The following DOCK11 variants were observed in gnomAD, a reference collection of about 807,000 sequenced individuals.
DOCK11 encodes the protein dedicator of cytokinesis 11.
A neutral mutation model predicts 169.1 loss-of-function variants in DOCK11; 70 were observed. The observed-to-expected ratio is 0.41, with a 90% CI of 0.34 to 0.51. The LOEUF is 0.51. Among genes scored for constraint, DOCK11 ranks in the 20% least tolerant of loss-of-function variants. DOCK11 has a pLI of 0.10. For missense variants in DOCK11, 1,166 were observed against 1,538.8 expected (o/e 0.76, Z 4.05); for synonymous variants, 529 against 541.3 (o/e 0.98, Z 0.32).
At chrX:118,623,274 G>C (rs1168901165) in intron 31 of DOCK11, among the ~76,000 whole-genome samples, 1 of 112,223 alleles carries the variant, frequency 8.9e-6, no homozygotes, top group Admixed American at 9.4e-5. Flanking sequence ...ATATTTAAAG[G>C]GTTGCCATGC....
intron 37 of DOCK11, 48 bp downstream of exon 37, chrX:118,638,175 A>G (rs747429874): frequency 2.7e-6 from 3 of 1,126,025 alleles, no homozygotes; most frequent in Non-Finnish European, 3.7e-6. Flanking sequence ...CTCTTCCAAC[A>G]GAGGGCAATC....
chrX:118,675,926 T>C lies in DOCK11; in HGVS notation c.5200-10T>C. ...AAAACAAAGCTGATTTGTATATTTT[T>C]ATTTTTCAGAAACTTACTCAAGTTT... is the stretch of plus-strand genomic sequence containing the variant. On this transcript the variant is annotated splice_polypyrimidine_tract_variant and intron_variant, in intron 46 of 52. Coordinates refer to ENST00000276202, the MANE Select transcript of DOCK11 (RefSeq NM_144658.4). 5.7e-6 allele frequency: 6 copies of C among 1,060,580 alleles called. No individual in the cohort carries two copies. The highest frequency in any genetic ancestry group is 3.1e-5 in the East Asian group (1 of 32,447). 87.4% of individuals were successfully genotyped at this position (1,060,580 alleles called of 1,213,427 possible).
Position 118,543,566 on chromosome X carries a change from T to A in DOCK11, c.365T>A (p.Phe122Tyr). The A allele has an allele frequency of 8.3e-7, 1 of 1,208,878 alleles. No homozygotes were observed. Among genetic ancestry groups the A allele is most frequent in the East Asian group, 3.0e-5 (1 of 33,854 alleles). Reference protein sequence around the residue: ...WHVVNYKYEDFSGDFRMLPCK... With the variant: ...WHVVNYKYEDYSGDFRMLPCK... ...GTGGTAAACTACAAGTATGAGGACTTCTCTGGGGACTTTCGAATGTTGCCA... is the reference window on the plus strand; with the variant it reads ...GTGGTAAACTACAAGTATGAGGACTACTCTGGGGACTTTCGAATGTTGCCA... The change falls in exon 4 of 53, where the codon TTC (phenylalanine) becomes TAC (tyrosine). Residue 122 changes from phenylalanine (F) to tyrosine (Y), a missense_variant. Transcript: ENST00000276202.
chrX:118,666,812 C>T (rs776233674), intron 45 of DOCK11, among the ~76,000 whole-genome samples: 5 of 111,567 alleles, frequency 4.5e-5, no homozygotes, highest in South Asian at 3.7e-4. Context: ...GTGGTTGGAC[C>T]GTTTTATACT....
intron 7 of DOCK11, among the ~76,000 whole-genome samples, chrX:118,563,076 T>A (rs1158650961): frequency 8.9e-6 from 1 of 111,847 alleles, no homozygotes; most frequent in Admixed American, 9.5e-5. Flanking sequence ...TGAGAGATGA[T>A]CTGGATGGGA....
At position 118,641,344 on chromosome X, in the gene DOCK11, A is replaced by G. The variant is rs748185759; in HGVS notation, c.4260+39A>G. 5.0e-6 allele frequency: 5 copies of G among 993,512 alleles called. No homozygotes were observed. The African/African-American group carries it at 5.7e-5, about 11-fold the overall frequency. The allele number at this position is 993,512 out of a possible 1,213,427, so 81.9% of individuals were successfully genotyped here. ...GTTATAATTCAGTTGGTACCATTGCAAAGTAACATTATGCAGAAATTACCT... is the reference window on the plus strand; with the variant it reads ...GTTATAATTCAGTTGGTACCATTGCGAAGTAACATTATGCAGAAATTACCT... On this transcript the variant is annotated intron_variant, in intron 39 of 52. Coordinates refer to ENST00000276202, the MANE Select transcript of DOCK11 (RefSeq NM_144658.4).
At chrX:118,683,022 C>T (rs2016778682) in intron 51 of DOCK11, 57 bp from the exon 52 acceptor site, 1 of 1,111,719 alleles carries the variant, frequency 9.0e-7, no homozygotes, top group Non-Finnish European at 1.2e-6. Context: ...AATGGATTGT[C>T]AGTGATACTT....
In DOCK11 at chrX:118,617,677, C is replaced by T. The variant is rs538886921; in HGVS notation, c.3293-873C>T. Among the ~76,000 whole-genome samples the T allele has an allele frequency of 1.9e-4, 21 of 109,261 alleles. No individual in the cohort carries two copies. In the South Asian group the frequency reaches 7.8e-3, roughly 41 times the overall value. 94.9% of individuals were successfully genotyped at this position (109,261 alleles called of 115,157 possible). A position where few individuals can be genotyped will look rare whatever the true frequency, so the allele number is the denominator to read the frequency against. On this transcript the variant is annotated intron_variant, in intron 30 of 52. Transcript: ENST00000276202. ...GGCAGATCACCTGAGCTCGGGAGTT[C>T]GAGACCATCCTGGCCAACATGGTGA...
At chrX:118,507,761 C>G (rs754950087) in intron 1 of DOCK11, among the ~76,000 whole-genome samples, 1 of 112,014 alleles carries the variant, frequency 8.9e-6, no homozygotes, top group African/African-American at 3.2e-5. Flanking sequence ...CTACTGAACA[C>G]ATATCACATA....
intron 1 of DOCK11, among the ~76,000 whole-genome samples, chrX:118,537,147 A>C (rs1185767255): frequency 8.9e-6 from 1 of 112,025 alleles, no homozygotes; most frequent in Non-Finnish European, 1.9e-5. Context: ...GCAAAAAAGC[A>C]CTTTTGGGCT....
At chrX:118,545,982 C>T (rs2012259055) in intron 5 of DOCK11, 39 bp from the exon 6 acceptor site, 2 of 999,149 alleles carry the variant, frequency 2.0e-6, no homozygotes, top group East Asian at 6.1e-5. Flanking sequence ...AGATGGCAGG[C>T]TGGCTGTTGT....
chrX:118,526,583 G>A (rs1416559533), intron 1 of DOCK11, among the ~76,000 whole-genome samples: 1 of 112,230 alleles, frequency 8.9e-6, no homozygotes, highest in Non-Finnish European at 1.9e-5. Flanking sequence ...TTCTACAGTA[G>A]TGCCAGTACA....
intron 10 of DOCK11, among the ~76,000 whole-genome samples, chrX:118,568,613 G>A (rs1170567816): frequency 2.8e-5 from 3 of 107,845 alleles, no homozygotes; most frequent in Non-Finnish European, 3.8e-5. Context: ...TTTGATGTAG[G>A]CCTGTAGAAC....
chrX:118,632,195 C>T (rs979072669), intron 35 of DOCK11, among the ~76,000 whole-genome samples: 8 of 111,556 alleles, frequency 7.2e-5, no homozygotes, highest in Admixed American at 2.8e-4. Context: ...CCTCGTGATC[C>T]GCCCACCTCG....
intron 1 of DOCK11, among the ~76,000 whole-genome samples, chrX:118,532,414 G>C (rs1200211084): frequency 9.0e-6 from 1 of 110,935 alleles, no homozygotes; most frequent in African/African-American, 3.3e-5. Context: ...TAAAATTCAG[G>C]GCATGATCAG....
At chrX:118,623,641 C>G (rs936700463) in intron 31 of DOCK11, among the ~76,000 whole-genome samples, 5 of 112,952 alleles carry the variant, frequency 4.4e-5, no homozygotes, top group Middle Eastern at 4.6e-3. Context: ...TTGAAATTCA[C>G]AAATGAAGTG....
intron 28 of DOCK11, among the ~76,000 whole-genome samples, chrX:118,613,000 C>T (rs1334189234): frequency 5.4e-5 from 6 of 111,869 alleles, no homozygotes; most frequent in East Asian, 5.6e-4. Context: ...ACCAATCATC[C>T]GCGTGGCACA....
At chrX:118,600,409 T>TAAA (rs749187430) in intron 23 of DOCK11, among the ~76,000 whole-genome samples, 1 of 73,996 alleles carries the variant, frequency 1.4e-5, no homozygotes, top group Non-Finnish European at 2.8e-5. Context: ...TCTTTTTTTT[T>TAAA]AAAAAAAAAA....
At chrX:118,618,260 C>G (rs2147473686) in intron 30 of DOCK11, among the ~76,000 whole-genome samples, 1 of 111,294 alleles carries the variant, frequency 9.0e-6, no homozygotes, top group East Asian at 2.8e-4. Flanking sequence ...TAGTTTCTAT[C>G]CTAAGATTTC....
Sources: gnomAD v4.1 joint callset for allele counts (sites outside exome capture counted in the v4.1 genomes callset) on GRCh38, gnomAD v4.1.1 for gene constraint, MANE v1.5 for transcripts, NCBI Gene and HGNC (gene_info 2026-07-23, HGNC 2026-07-21) for gene names.